The following NLK variants were observed in gnomAD, a reference collection of about 807,000 sequenced individuals.
The protein encoded by NLK is nemo like kinase, also known as serine/threonine-protein kinase NLK.
A neutral mutation model predicts 59.0 loss-of-function variants in NLK; 11 were observed. The ratio of observed to expected loss-of-function variants is 0.19; its 90% CI spans 0.12 to 0.31. The LOEUF (loss-of-function observed/expected upper bound fraction) is 0.31. Ranked by LOEUF, NLK falls within the 10% of genes least tolerant of loss-of-function variation. The probability of loss-of-function intolerance (pLI) is 1.00; values close to 1 mark genes in which losing one functional copy is unlikely to be tolerated. For missense variants in NLK, 410 were observed against 661.1 expected, an observed-to-expected ratio of 0.62 and a Z score of 4.16; for synonymous variants, 235 against 235.9, an observed-to-expected ratio of 1.00 and a Z score of 0.03.
intron 7 of NLK, among the ~76,000 whole-genome samples, chr17:28,177,353 T>G (rs1452447204): frequency 6.6e-6 from 1 of 152,202 alleles, no homozygotes; most frequent in Non-Finnish European, 1.5e-5. Flanking sequence ...ATTAATGTAT[T>G]TGTGTTGGTT....
At position 28,056,780 on chromosome 17, in the gene NLK, T is replaced by C. The variant is rs192292822; in HGVS notation, c.458+13449T>C. 5.3e-5 allele frequency among the ~76,000 whole-genome samples: 8 copies of C among 152,268 alleles called. No homozygotes were observed. The East Asian group carries it at 1.5e-3, about 29-fold the overall frequency. ...GGAAATTTGAAAGAATTGTATGATA[T>C]ATCCAATGTAACTAAGTTGTATATT... On this transcript the variant is annotated intron_variant, in intron 1 of 10. Coordinates refer to ENST00000407008, the MANE Select transcript of NLK (RefSeq NM_016231.5).
intron 1 of NLK, among the ~76,000 whole-genome samples, chr17:28,051,327 GAACTTGATGT>G (rs1179364278): frequency 6.6e-6 from 1 of 150,992 alleles, no homozygotes; most frequent in Non-Finnish European, 1.5e-5. Flanking sequence ...ATAAACCAGA[GAACTTGATGT>G]TCAAGGTGCC....
chr17:28,205,404 G>A, the NLK span, among the ~76,000 whole-genome samples: 1 of 152,122 alleles, frequency 6.6e-6, no homozygotes, highest in Non-Finnish European at 1.5e-5. Context: ...GATTTCAGGG[G>A]TGGTTAAAAT....
intron 7 of NLK, among the ~76,000 whole-genome samples, chr17:28,172,926 C>CCATA (rs1376229081): frequency 6.6e-6 from 1 of 152,152 alleles, no homozygotes; most frequent in Non-Finnish European, 1.5e-5. Flanking sequence ...GACCTCAATG[C>CCATA]CATAACCTAC....
At chr17:28,078,864 A>C (rs1910254592) in intron 1 of NLK, among the ~76,000 whole-genome samples, 2 of 152,164 alleles carry the variant, frequency 1.3e-5, no homozygotes, top group African/African-American at 4.8e-5. Context: ...CCCTTCTCAG[A>C]TTTATTGTAC....
chr17:28,045,280 T>C (rs1196018996), intron 1 of NLK, among the ~76,000 whole-genome samples: 1 of 152,266 alleles, frequency 6.6e-6, no homozygotes, highest in African/African-American at 2.4e-5. Context: ...GATTGTCTAC[T>C]GTAGTAATCC....
At chr17:28,076,884 A>G (rs1156677110) in intron 1 of NLK, among the ~76,000 whole-genome samples, 2 of 152,010 alleles carry the variant, frequency 1.3e-5, no homozygotes, top group South Asian at 2.1e-4. Flanking sequence ...CTCTCTTCCT[A>G]TTTCTTCTGC....
intron 1 of NLK, among the ~76,000 whole-genome samples, chr17:28,060,534 A>G (rs945812909): frequency 3.3e-5 from 5 of 152,130 alleles, no homozygotes; most frequent in African/African-American, 1.2e-4. Context: ...CGTCTTCCAA[A>G]GTGCCGGGAT....
At chr17:28,120,798 C>T (rs1324714403) in intron 1 of NLK, among the ~76,000 whole-genome samples, 1 of 152,126 alleles carries the variant, frequency 6.6e-6, no homozygotes, top group African/African-American at 2.4e-5. Context: ...AAGTAGTGAT[C>T]ACTAAAATGA....
At chr17:28,133,598 A>G (rs1158913183) in intron 3 of NLK, among the ~76,000 whole-genome samples, 1 of 151,926 alleles carries the variant, frequency 6.6e-6, no homozygotes, top group African/African-American at 2.4e-5. Context: ...ACATAAGTTA[A>G]CCTCCCTGAC....
At position 28,054,742 on chromosome 17, in the gene NLK, G is replaced by A. The variant is rs191925248; in HGVS notation, c.458+11411G>A. 1.8e-4 allele frequency among the ~76,000 whole-genome samples: 27 copies of A among 152,330 alleles called. No individual in the cohort carries two copies. The East Asian group carries it at 4.0e-3, about 23-fold the overall frequency. ...AAGCAGTTAAAGAATGACCTGAGGAGAACATTTAACATTTAAAGGGATAGT... is the reference window on the plus strand; with the variant it reads ...AAGCAGTTAAAGAATGACCTGAGGAAAACATTTAACATTTAAAGGGATAGT... On this transcript the variant is annotated intron_variant, in intron 1 of 10. Transcript: ENST00000407008.
chr17:28,186,885 T>C (rs1909139556), intron 8 of NLK, among the ~76,000 whole-genome samples: 1 of 152,194 alleles, frequency 6.6e-6, no homozygotes, highest in Admixed American at 6.5e-5. Context: ...CAGTTCTTGC[T>C]CCCACAGTCT....
At chr17:28,084,956 G>C (rs975395733) in intron 1 of NLK, among the ~76,000 whole-genome samples, 1 of 152,220 alleles carries the variant, frequency 6.6e-6, no homozygotes, top group Non-Finnish European at 1.5e-5. Flanking sequence ...TTCAGTATAT[G>C]ACTAATCTAA....
chr17:28,166,127 A>G (rs1351042221), intron 5 of NLK, among the ~76,000 whole-genome samples: 2 of 152,188 alleles, frequency 1.3e-5, no homozygotes, highest in Non-Finnish European at 2.9e-5. Flanking sequence ...AGACACGAGA[A>G]TCACTTGAAC....
At chr17:28,134,121 A>C (rs1047925118) in intron 3 of NLK, among the ~76,000 whole-genome samples, 13 of 152,146 alleles carry the variant, frequency 8.5e-5, no homozygotes, top group African/African-American at 2.9e-4. Context: ...TAGTGGGCAC[A>C]GTGGCTCACA....
chr17:28,071,404 T>C (rs1212171154), intron 1 of NLK, among the ~76,000 whole-genome samples: 1 of 152,010 alleles, frequency 6.6e-6, no homozygotes, highest in Non-Finnish European at 1.5e-5. Flanking sequence ...AGTTGAGTGT[T>C]CCATTCCATG....
intron 3 of NLK, among the ~76,000 whole-genome samples, chr17:28,158,278 T>A (rs1286620831): frequency 6.6e-6 from 1 of 152,188 alleles, no homozygotes; most frequent in Non-Finnish European, 1.5e-5. Flanking sequence ...TATCTAAACG[T>A]ATCTGAACAT....
chr17:28,069,119 A>G (rs1909927795), intron 1 of NLK, among the ~76,000 whole-genome samples: 1 of 152,178 alleles, frequency 6.6e-6, no homozygotes, highest in African/African-American at 2.4e-5. Context: ...GGTTTCTGTC[A>G]TCTTTGATTA....
chr17:28,160,892 A>G (rs1907977860), intron 3 of NLK, among the ~76,000 whole-genome samples: 1 of 152,204 alleles, frequency 6.6e-6, no homozygotes, highest in Admixed American at 6.5e-5. Context: ...GTTATTTAAA[A>G]TGTTTACCTT....
Sources: gnomAD v4.1 joint callset for allele counts (sites outside exome capture counted in the v4.1 genomes callset) on GRCh38, gnomAD v4.1.1 for gene constraint, MANE v1.5 for transcripts, NCBI Gene and HGNC (gene_info 2026-07-23, HGNC 2026-07-21) for gene names.